The following BCL2 variants were observed in gnomAD, a reference collection of about 807,000 sequenced individuals.
BCL2 encodes apoptosis regulator Bcl-2.
BCL2 carries 1 observed loss-of-function variant against 14.2 expected under a neutral mutation model. The observed-to-expected ratio is 0.07, with a 90% CI of 0.02 to 0.33. The LOEUF (loss-of-function observed/expected upper bound fraction) is 0.33. BCL2 is among the 10% of genes least tolerant of loss of function. The pLI is 0.99. For synonymous variants in BCL2, 151 were observed against 137.2 expected (o/e 1.10, Z -0.70); for missense variants, 247 against 305.9 (o/e 0.81, Z 1.44).
chr18:63,284,708 C>G (rs1049435361), intron 2 of BCL2, among the ~76,000 whole-genome samples: 4 of 152,166 alleles, frequency 2.6e-5, no homozygotes, highest in Admixed American at 2.6e-4. Flanking sequence ...CAGAGAACAC[C>G]GCCAGGCTAG....
At chr18:63,162,504 G>A (rs1375206265) in intron 2 of BCL2, among the ~76,000 whole-genome samples, 5 of 152,046 alleles carry the variant, frequency 3.3e-5, no homozygotes, top group Non-Finnish European at 5.9e-5. Context: ...GGCCCAGCTC[G>A]GGGACACTAC....
chr18:63,147,100 G>A (rs149271573), intron 2 of BCL2, among the ~76,000 whole-genome samples: 53 of 152,270 alleles, frequency 3.5e-4, no homozygotes, highest in Non-Finnish European at 6.6e-4. Context: ...CGGATAAGCT[G>A]GTCTGTTCTG....
intron 2 of BCL2, among the ~76,000 whole-genome samples, chr18:63,181,688 A>C (rs1182369962): frequency 6.6e-6 from 1 of 152,222 alleles, no homozygotes; most frequent in East Asian, 1.9e-4. Context: ...CATGTGTCCA[A>C]CTTCACCATC....
chr18:63,304,428 T>C (rs1913060018), intron 2 of BCL2, among the ~76,000 whole-genome samples: 2 of 152,358 alleles, frequency 1.3e-5, no homozygotes, highest in Middle Eastern at 3.4e-3. Context: ...CCAAATATTT[T>C]TGGTCACCTA....
intron 2 of BCL2, among the ~76,000 whole-genome samples, chr18:63,266,680 A>C (rs1911842571): frequency 6.6e-6 from 1 of 151,248 alleles, no homozygotes; most frequent in Non-Finnish European, 1.5e-5. Context: ...TTTATACTAC[A>C]TACAAATCAA....
chr18:63,283,451 T>C (rs1218876119), intron 2 of BCL2, among the ~76,000 whole-genome samples: 2 of 147,718 alleles, frequency 1.4e-5, no homozygotes, highest in Non-Finnish European at 3.0e-5. Flanking sequence ...TGTGAAACTC[T>C]ACCAGTTTGG....
chr18:63,221,638 C>T (rs770852695), intron 2 of BCL2, among the ~76,000 whole-genome samples: 7 of 152,160 alleles, frequency 4.6e-5, no homozygotes, highest in East Asian at 1.9e-4. Flanking sequence ...CATGAGGTAG[C>T]GGGGCCAGAA....
intron 2 of BCL2, among the ~76,000 whole-genome samples, chr18:63,290,277 T>C (rs537542759): frequency 4.6e-5 from 7 of 152,280 alleles, no homozygotes; most frequent in Non-Finnish European, 1.0e-4. Flanking sequence ...GGAAATAGTA[T>C]ATAAGCAGAA....
intron 2 of BCL2, among the ~76,000 whole-genome samples, chr18:63,264,220 A>G (rs538849750): frequency 6.6e-6 from 1 of 152,228 alleles, no homozygotes; most frequent in African/African-American, 2.4e-5. Context: ...TTAAAGAACA[A>G]CAAAATGTTT....
At chr18:63,174,198 T>C (rs1915295307) in intron 2 of BCL2, among the ~76,000 whole-genome samples, 1 of 152,210 alleles carries the variant, frequency 6.6e-6, no homozygotes, top group Non-Finnish European at 1.5e-5. Context: ...TGTTCCTCAT[T>C]TTACAGATAA....
intron 2 of BCL2, among the ~76,000 whole-genome samples, chr18:63,175,749 C>T (rs564760220): frequency 3.9e-5 from 6 of 152,304 alleles, no homozygotes; most frequent in East Asian, 1.9e-4. Context: ...TGGAGCTCCA[C>T]GCCACATCAG....
At chr18:63,148,460 G>C (rs1914568305) in intron 2 of BCL2, among the ~76,000 whole-genome samples, 1 of 152,132 alleles carries the variant, frequency 6.6e-6, no homozygotes. Context: ...AATGAGAAAA[G>C]AATATAAGAA....
At chr18:63,152,297 T>C (rs542523857) in intron 2 of BCL2, among the ~76,000 whole-genome samples, 1 of 152,354 alleles carries the variant, frequency 6.6e-6, no homozygotes, top group South Asian at 2.1e-4. Flanking sequence ...AATCGGAGCC[T>C]GCTTCCTTGG....
chr18:63,168,676 A>T (rs1915104044), intron 2 of BCL2, among the ~76,000 whole-genome samples: 1 of 152,156 alleles, frequency 6.6e-6, no homozygotes, highest in African/African-American at 2.4e-5. Context: ...TCTGTTTCCA[A>T]CTGGGGGGAA....
chr18:63,222,058 A>T (rs1265157671), intron 2 of BCL2, among the ~76,000 whole-genome samples: 1 of 152,172 alleles, frequency 6.6e-6, no homozygotes, highest in African/African-American at 2.4e-5. Flanking sequence ...AGGCAGGCAG[A>T]TCACTTGAGG....
At chr18:63,307,314 A>G (rs1347919668) in intron 2 of BCL2, among the ~76,000 whole-genome samples, 1 of 152,248 alleles carries the variant, frequency 6.6e-6, no homozygotes, top group Non-Finnish European at 1.5e-5. Flanking sequence ...TCCGTACAAA[A>G]GGTATTTTCA....
intron 2 of BCL2, among the ~76,000 whole-genome samples, chr18:63,172,624 A>G (rs1037148103): frequency 6.6e-6 from 1 of 152,102 alleles, no homozygotes; most frequent in Admixed American, 6.6e-5. Flanking sequence ...TACTAAAAAT[A>G]TAAAAAATTA....
At chr18:63,197,375 G>A (rs551462972) in intron 2 of BCL2, among the ~76,000 whole-genome samples, 1 of 152,334 alleles carries the variant, frequency 6.6e-6, no homozygotes, top group Non-Finnish European at 1.5e-5. Context: ...CAAGCTTATA[G>A]CAGCACCGTG....
intron 2 of BCL2, among the ~76,000 whole-genome samples, chr18:63,267,490 C>T (rs912495941): frequency 1.3e-5 from 2 of 152,114 alleles, no homozygotes; most frequent in African/African-American, 4.8e-5. Context: ...GGATAATTAC[C>T]AGAGTTTTGA....
Sources: gnomAD v4.1 joint callset for allele counts (sites outside exome capture counted in the v4.1 genomes callset) on GRCh38, gnomAD v4.1.1 for gene constraint, MANE v1.5 for transcripts, NCBI Gene and HGNC (gene_info 2026-07-23, HGNC 2026-07-21) for gene names.